The following PLD5 variants were observed in gnomAD, a reference collection of about 807,000 sequenced individuals.
PLD5 encodes the protein phospholipase D family member 5.
Under a neutral mutation model 61.1 loss-of-function variants are expected in PLD5, and 36 were observed. The ratio of observed to expected loss-of-function variants is 0.59; its 90% CI spans 0.45 to 0.78. PLD5 has a LOEUF of 0.78. PLD5 is among the 30% of genes least tolerant of loss of function. PLD5 has a pLI of 0.00. For synonymous variants in PLD5, 243 were observed against 242.8 expected (o/e 1.00, Z -0.01); for missense variants, 515 against 644.4 (o/e 0.80, Z 2.17).
intron 5 of PLD5, among the ~76,000 whole-genome samples, chr1:242,167,128 TGTTGGCTA>T (rs1453913351): frequency 6.7e-6 from 1 of 150,340 alleles, no homozygotes; most frequent in Non-Finnish European, 1.5e-5. Context: ...ATAGTAGCCA[TGTTGGCTA>T]GTTGGCTATA....
At chr1:242,426,524 GCAC>G (rs770410271) in intron 1 of PLD5, among the ~76,000 whole-genome samples, 7 of 152,162 alleles carry the variant, frequency 4.6e-5, no homozygotes, top group Admixed American at 6.5e-5. Context: ...GTAATGCATT[GCAC>G]CACCACATTA....
At chr1:242,290,467 T>G (rs1675292424) in intron 2 of PLD5, among the ~76,000 whole-genome samples, 1 of 151,892 alleles carries the variant, frequency 6.6e-6, no homozygotes, top group African/African-American at 2.4e-5. Context: ...CTGGCAGCAT[T>G]TGTAGGGACC....
intron 1 of PLD5, among the ~76,000 whole-genome samples, chr1:242,351,654 A>G (rs535344096): frequency 2.6e-5 from 4 of 152,324 alleles, no homozygotes; most frequent in South Asian, 2.1e-4. Flanking sequence ...AGTCTCGGGT[A>G]TGTCTTTATT....
At chr1:242,172,205 A>G (rs1442587918) in intron 5 of PLD5, among the ~76,000 whole-genome samples, 3 of 152,248 alleles carry the variant, frequency 2.0e-5, no homozygotes, top group Non-Finnish European at 2.9e-5. Flanking sequence ...ATCAAATTAG[A>G]ACTCAGAATT....
At chr1:242,419,770 A>G (rs1665038720) in intron 1 of PLD5, among the ~76,000 whole-genome samples, 1 of 152,038 alleles carries the variant, frequency 6.6e-6, no homozygotes, top group Admixed American at 6.6e-5. Flanking sequence ...CCAAGAATGA[A>G]GTAGTTCACC....
At chr1:242,233,154 A>AAATGAATGAATGAATGAATGAATG (rs55916345) in intron 4 of PLD5, among the ~76,000 whole-genome samples, 1 of 149,848 alleles carries the variant, frequency 6.7e-6, no homozygotes, top group South Asian at 2.1e-4. Context: ...ATTCTGACTC[A>AAATGAATGAATGAATGAATGAATG]AATGAATGAA....
intron 5 of PLD5, among the ~76,000 whole-genome samples, chr1:242,138,273 A>C (rs2148780765): frequency 6.6e-6 from 1 of 152,284 alleles, no homozygotes; most frequent in Admixed American, 6.5e-5. Flanking sequence ...ATGGGTGTGC[A>C]TGGGTGGTTG....
At chr1:242,251,890 T>C (rs1290161471) in intron 4 of PLD5, among the ~76,000 whole-genome samples, 2 of 152,050 alleles carry the variant, frequency 1.3e-5, no homozygotes, top group African/African-American at 4.8e-5. Context: ...GGAAAGGAGA[T>C]GGAGATGCAT....
chr1:242,434,617 AT>A (rs1665895714), intron 1 of PLD5, among the ~76,000 whole-genome samples: 1 of 151,834 alleles, frequency 6.6e-6, no homozygotes, highest in African/African-American at 2.4e-5. Flanking sequence ...TATTTTATTT[AT>A]TTATTTATTT....
At chr1:242,232,536 T>C (rs1671375032) in intron 4 of PLD5, among the ~76,000 whole-genome samples, 1 of 152,008 alleles carries the variant, frequency 6.6e-6, no homozygotes, top group South Asian at 2.1e-4. Context: ...TCTTTGAGTA[T>C]ATATAATTGA....
intron 5 of PLD5, among the ~76,000 whole-genome samples, chr1:242,217,914 T>C (rs960737532): frequency 6.6e-6 from 1 of 152,240 alleles, no homozygotes; most frequent in Non-Finnish European, 1.5e-5. Context: ...CTAGTGAATA[T>C]GCTGTGAACA....
intron 4 of PLD5, among the ~76,000 whole-genome samples, chr1:242,241,181 A>G (rs747978263): frequency 1.9e-4 from 29 of 152,226 alleles, no homozygotes; most frequent in Non-Finnish European, 4.4e-5. Flanking sequence ...GTTGTTGGTC[A>G]GACCCACAAG....
chr1:242,524,222 G>C lies in PLD5; in HGVS notation c.55C>G (p.Gln19Glu). 1 of 1,529,858 alleles carries C rather than the reference G, an allele frequency of 6.5e-7. No individual in the cohort carries two copies. Among genetic ancestry groups the C allele is most frequent in the South Asian group, 1.2e-5 (1 of 83,800 alleles). The allele number at this position is 1,529,858 out of a possible 1,614,324, so 94.8% of individuals were successfully genotyped here. ...LSASPHEGFE[Q>E]MRLKSRPKEP... ...TTGGGGCGGCTTTTGAGCCTCATCT[G>C]CTCGAAGCCCTCATGGGGGGAGGCC... The change falls in exon 1 of 10, where the codon CAG (glutamine) becomes GAG (glutamate). Residue 19 changes from glutamine (Q) to glutamate (E), a missense_variant. This residue lies in a region of PLD5 where 65 missense variants were observed against 46.3 expected (regional missense o/e 1.40). Transcript: ENST00000536534.
At chr1:242,170,698 A>C (rs1666683486) in intron 5 of PLD5, among the ~76,000 whole-genome samples, 2 of 152,252 alleles carry the variant, frequency 1.3e-5, no homozygotes, top group Admixed American at 1.3e-4. Flanking sequence ...TAACCAGTTT[A>C]GAGAAGAATG....
chr1:242,377,857 C>T (rs571175395), intron 1 of PLD5, among the ~76,000 whole-genome samples: 34 of 152,108 alleles, frequency 2.2e-4, no homozygotes, highest in East Asian at 1.5e-3. Context: ...ATACAAAAAA[C>T]GGAAAATAAC....
At chr1:242,423,100 C>T (rs776692917) in intron 1 of PLD5, among the ~76,000 whole-genome samples, 3 of 152,098 alleles carry the variant, frequency 2.0e-5, no homozygotes, top group Non-Finnish European at 4.4e-5. Context: ...ATCCTCCTGC[C>T]TCGACCTCCC....
intron 1 of PLD5, among the ~76,000 whole-genome samples, chr1:242,455,632 C>T (rs2102930026): frequency 6.6e-6 from 1 of 152,322 alleles, no homozygotes; most frequent in Non-Finnish European, 1.5e-5. Context: ...AATTTGTAGG[C>T]AATGAAGTAG....
In PLD5 at chr1:242,468,545, AC is replaced by A. The variant is rs1262079458; in HGVS notation, c.189+55542del. Among the ~76,000 whole-genome samples the A allele has an allele frequency of 3.3e-5, 5 of 152,240 alleles. No individual in the cohort carries two copies. In the South Asian group the frequency reaches 1.0e-3, roughly 32 times the overall value. ...GTTGTGCCTATATCTGCAGACCTTT[AC>A]AAACATGATTTTAATTTTTATTATA... On this transcript the variant is annotated intron_variant, in intron 1 of 9. Coordinates refer to ENST00000536534, the MANE Select transcript of PLD5 (RefSeq NM_001372062.1).
intron 2 of PLD5, among the ~76,000 whole-genome samples, chr1:242,317,235 G>A (rs10803035): frequency 0.68 from 102,754 of 151,872 alleles, 36,283 homozygotes; most frequent in Non-Finnish European, 0.77. Flanking sequence ...GACTGGTCTC[G>A]AACTCCTGAC....
Sources: allele counts gnomAD v4.1 joint callset (sites outside exome capture counted in the v4.1 genomes callset), GRCh38; gene constraint gnomAD v4.1.1; regional missense constraint gnomAD v4.1.1; transcripts MANE v1.5; gene names NCBI Gene and HGNC (gene_info 2026-07-23, HGNC 2026-07-21).